FAM107B: variants seen among roughly 807,000 people sequenced by gnomAD.
FAM107B encodes family with sequence similarity 107 member B, also known as protein FAM107B.
A neutral mutation model predicts 31.5 loss-of-function variants in FAM107B; 21 were observed. The ratio of observed to expected loss-of-function variants is 0.67; its 90% confidence interval spans 0.47 to 0.96. The LOEUF is 0.96. Among genes scored for constraint, FAM107B ranks in the 40% least tolerant of loss-of-function variants. The pLI is 0.00. For synonymous variants in FAM107B, 157 were observed against 141.5 expected, an observed-to-expected ratio of 1.11 and a Z score of -0.78; for missense variants, 452 against 377.1, an observed-to-expected ratio of 1.20 and a Z score of -1.64.
intron 2 of FAM107B, among the ~76,000 whole-genome samples, chr10:14,600,220 C>T (rs535215731): frequency 1.3e-5 from 2 of 152,336 alleles, no homozygotes; most frequent in African/African-American, 2.4e-5. Flanking sequence ...CAGCTCAGGA[C>T]ACCACGTCCT....
chr10:14,693,583 C>T (rs941689107), intron 1 of FAM107B, among the ~76,000 whole-genome samples: 7 of 152,066 alleles, frequency 4.6e-5, no homozygotes, highest in African/African-American at 1.4e-4. Context: ...CATAGTTACT[C>T]TTTTGTTTAA....
chr10:14,737,800 C>CTCTCTCTCTCTCTCTCTCTCTCTCTCTCT (rs59200578), intron 1 of FAM107B, among the ~76,000 whole-genome samples: 35 of 149,074 alleles, frequency 2.3e-4, no homozygotes, highest in African/African-American at 7.5e-4. Context: ...CTCTCTCTCT[C>CTCTCTCTCTCTCTCTCTCTCTCTCTCTCT]CTTCGTTGGC....
intron 2 of FAM107B, among the ~76,000 whole-genome samples, chr10:14,565,310 G>C (rs947133788): frequency 1.3e-5 from 2 of 152,146 alleles, no homozygotes; most frequent in Non-Finnish European, 2.9e-5. Context: ...CATGAGAACA[G>C]ACCACAGAAG....
intron 1 of FAM107B, among the ~76,000 whole-genome samples, chr10:14,695,316 T>C (rs1411835448): frequency 2.0e-5 from 3 of 152,216 alleles, no homozygotes; most frequent in African/African-American, 7.2e-5. Flanking sequence ...CATATGTGTT[T>C]GGATTTATAT....
chr10:14,700,638 A>G (rs1482798718), intron 1 of FAM107B, among the ~76,000 whole-genome samples: 1 of 151,932 alleles, frequency 6.6e-6, no homozygotes, highest in African/African-American at 2.4e-5. Flanking sequence ...ATGATGTGGA[A>G]TCTGCTGCAA....
At chr10:14,581,647 T>C (rs1019557626) in intron 2 of FAM107B, among the ~76,000 whole-genome samples, 1 of 152,198 alleles carries the variant, frequency 6.6e-6, no homozygotes, top group Non-Finnish European at 1.5e-5. Context: ...ATACTTGTAC[T>C]CCCAGCTCTT....
At chr10:14,641,356 C>T (rs751605735) in intron 2 of FAM107B, among the ~76,000 whole-genome samples, 1 of 152,196 alleles carries the variant, frequency 6.6e-6, no homozygotes, top group Non-Finnish European at 1.5e-5. Context: ...GAGCTCTGTA[C>T]TTGGATTAGA....
At chr10:14,719,451 T>A (rs11259291) in intron 1 of FAM107B, among the ~76,000 whole-genome samples, 1 of 152,166 alleles carries the variant, frequency 6.6e-6, no homozygotes, top group Non-Finnish European at 1.5e-5. Flanking sequence ...TCCATTCATG[T>A]TCTTTCAACG....
chr10:14,600,351 A>C (rs1852349310), intron 2 of FAM107B, among the ~76,000 whole-genome samples: 1 of 152,122 alleles, frequency 6.6e-6, no homozygotes, highest in Non-Finnish European at 1.5e-5. Context: ...TCCGAACCCC[A>C]CAGCCAAATT....
At chr10:14,748,779 T>C (rs1031428664) in intron 1 of FAM107B, among the ~76,000 whole-genome samples, 1 of 152,134 alleles carries the variant, frequency 6.6e-6, no homozygotes, top group Non-Finnish European at 1.5e-5. Flanking sequence ...GTGACTCCAT[T>C]TCTATTGCTT....
At chr10:14,542,230 A>G (rs1588528035) in intron 2 of FAM107B, among the ~76,000 whole-genome samples, 1 of 150,294 alleles carries the variant, frequency 6.7e-6, no homozygotes, top group African/African-American at 2.5e-5. Context: ...AGGTCGCGCC[A>G]CTTCACTCCA....
At chr10:14,570,717 G>A (rs566316283) in intron 2 of FAM107B, among the ~76,000 whole-genome samples, 4 of 151,934 alleles carry the variant, frequency 2.6e-5, no homozygotes, top group South Asian at 2.1e-4. Context: ...CAGAAGAATC[G>A]CTTGAACCTG....
chr10:14,677,591 A>T (rs1023120097), intron 1 of FAM107B, among the ~76,000 whole-genome samples: 1 of 152,142 alleles, frequency 6.6e-6, no homozygotes, highest in Admixed American at 6.5e-5. Context: ...ACTGCACTCC[A>T]GCCTGGGCGA....
chr10:14,573,375 A>C (rs1240560284), intron 2 of FAM107B, among the ~76,000 whole-genome samples: 1 of 152,068 alleles, frequency 6.6e-6, no homozygotes, highest in African/African-American at 2.4e-5. Flanking sequence ...TGCAGCAAGA[A>C]GGCCCTCACC....
chr10:14,697,899 T>C (rs1588713220), intron 1 of FAM107B, among the ~76,000 whole-genome samples: 1 of 152,018 alleles, frequency 6.6e-6, no homozygotes, highest in Non-Finnish European at 1.5e-5. Flanking sequence ...CCAAGGCAGG[T>C]GGATAACTTG....
intron 2 of FAM107B, among the ~76,000 whole-genome samples, chr10:14,603,813 C>A (rs1444248450): frequency 6.6e-6 from 1 of 151,872 alleles, no homozygotes; most frequent in African/African-American, 2.4e-5. Context: ...CTGGCGGGGG[C>A]TGGCGTCGGG....
intron 2 of FAM107B, among the ~76,000 whole-genome samples, chr10:14,614,109 C>T (rs1452779515): frequency 2.0e-5 from 3 of 151,590 alleles, no homozygotes; most frequent in East Asian, 2.0e-4. Flanking sequence ...CCAGCCTGGG[C>T]GTCAGAGTGA....
In FAM107B at chr10:14,599,182, G is replaced by C. The variant is rs17155544; in HGVS notation, c.469+68452C>G. Among the ~76,000 whole-genome samples the C allele has an allele frequency of 7.7e-3, 1,179 of 152,264 alleles. 21 individuals are homozygous for C. The highest frequency in any genetic ancestry group is 0.027 in the African/African-American group (1,101 of 41,542). ...CATTTTTTCTACCTTGTTTCTACGG[G>C]AGACTTGACAACACATACATAACCT... On this transcript the variant is annotated intron_variant, in intron 2 of 4. Transcript: ENST00000181796.
chr10:14,599,608 G>A (rs980031949), intron 2 of FAM107B, among the ~76,000 whole-genome samples: 1 of 152,156 alleles, frequency 6.6e-6, no homozygotes, highest in Non-Finnish European at 1.5e-5. Flanking sequence ...TTCAAGATCA[G>A]CCGGGGCAAC....
Sources: allele counts gnomAD v4.1 joint callset (sites outside exome capture counted in the v4.1 genomes callset), GRCh38; gene constraint gnomAD v4.1.1; transcripts MANE v1.5; gene names NCBI Gene and HGNC (gene_info 2026-07-23, HGNC 2026-07-21).